Variants in SLC15A1 observed in about 807,000 individuals in gnomAD.
SLC15A1 encodes the protein solute carrier family 15 member 1.
Under a neutral mutation model 92.9 loss-of-function variants are expected in SLC15A1, and 83 were observed. That is an observed-to-expected ratio of 0.89 (90% CI 0.75 to 1.07). The LOEUF (loss-of-function observed/expected upper bound fraction) is 1.07. SLC15A1 is among the 50% of genes least tolerant of loss of function. SLC15A1 has a pLI of 0.00. For missense variants in SLC15A1, 857 were observed against 880.1 expected, an observed-to-expected ratio of 0.97 and a Z score of 0.33; for synonymous variants, 322 against 318.2, an observed-to-expected ratio of 1.01 and a Z score of -0.13.
Position 98,702,817 on chromosome 13 carries a change from G to A in SLC15A1, c.1417-288C>T, listed in dbSNP as rs750142176. On this transcript the variant is annotated intron_variant, in intron 17 of 22. Coordinates refer to ENST00000376503, the MANE Select transcript of SLC15A1 (RefSeq NM_005073.4). ...TTAGAAATTAGCCAGGTGTGGTGAT[G>A]CACACTTGTAGTTGTAGCTGCTCAG... is the stretch of plus-strand genomic sequence containing the variant. Among the ~76,000 whole-genome samples the A allele has an allele frequency of 4.5e-4, 68 of 151,820 alleles. 1 individual carries two copies. The highest frequency in any genetic ancestry group is 7.3e-5 in the African/African-American group (3 of 41,336).
intron 1 of SLC15A1, 67 bp from the exon 2 acceptor site, chr13:98,726,926 T>A (rs751978255): frequency 2.4e-5 from 37 of 1,531,230 alleles, no homozygotes; most frequent in Non-Finnish European, 2.8e-5. Flanking sequence ...GTGTCTAAAC[T>A]CAGAGCCTCT....
intron 14 of SLC15A1, among the ~76,000 whole-genome samples, chr13:98,708,990 C>A (rs144618334): frequency 0.012 from 1,494 of 127,194 alleles, 34 homozygotes; most frequent in African/African-American, 0.045. Context: ...TTTTTTGAGA[C>A]AGAGTCTCTT....
intron 1 of SLC15A1, among the ~76,000 whole-genome samples, chr13:98,730,949 G>A (rs1228116554): frequency 1.3e-5 from 2 of 152,194 alleles, no homozygotes; most frequent in African/African-American, 4.8e-5. Context: ...TCAGAGGGAG[G>A]GAAGAAACGT....
chr13:98,685,116 T>C (rs1007670498), intron 22 of SLC15A1, among the ~76,000 whole-genome samples: 1 of 152,194 alleles, frequency 6.6e-6, no homozygotes, highest in Non-Finnish European at 1.5e-5. Flanking sequence ...GATGCTAATA[T>C]AGACAACATG....
At chr13:98,709,998 G>A (rs1018360139) in intron 11 of SLC15A1, 87 bp from the exon 12 acceptor site, 2 of 1,242,274 alleles carry the variant, frequency 1.6e-6, no homozygotes, top group African/African-American at 1.5e-5. Context: ...TCCAAATCAG[G>A]AATGAGGTCT....
chr13:98,732,623 C>T (rs1339520339), intron 1 of SLC15A1, among the ~76,000 whole-genome samples: 1 of 152,114 alleles, frequency 6.6e-6, no homozygotes, highest in Admixed American at 6.6e-5. Flanking sequence ...AGTCTTATTA[C>T]CTAAAAATTA....
chr13:98,726,972 A>C (rs1364765305), intron 1 of SLC15A1, 113 bp from the exon 2 acceptor site: 3 of 923,116 alleles, frequency 3.2e-6, no homozygotes, highest in Non-Finnish European at 5.3e-6. Context: ...CATTCACCAA[A>C]CAGCTCCAGC....
chr13:98,707,469 G>C (rs1000066284), intron 15 of SLC15A1, among the ~76,000 whole-genome samples: 1 of 152,212 alleles, frequency 6.6e-6, no homozygotes, highest in Admixed American at 6.5e-5. Context: ...TCAGAAAGTA[G>C]AATGGGGGTT....
intron 17 of SLC15A1, among the ~76,000 whole-genome samples, chr13:98,703,034 A>G (rs2088082050): frequency 6.6e-6 from 1 of 150,786 alleles, no homozygotes; most frequent in African/African-American, 2.4e-5. Context: ...ATGGTGGTTC[A>G]TGCCTGAAAT....
chr13:98,701,010 T>A (rs1326671112), intron 18 of SLC15A1, among the ~76,000 whole-genome samples: 1 of 152,246 alleles, frequency 6.6e-6, no homozygotes, highest in African/African-American at 2.4e-5. Flanking sequence ...TGAGCTATTC[T>A]AGTTCCTTTG....
intron 1 of SLC15A1, among the ~76,000 whole-genome samples, chr13:98,741,239 G>A (rs1490483544): frequency 9.2e-5 from 14 of 152,184 alleles, no homozygotes; most frequent in Admixed American, 7.9e-4. Context: ...CCATACCAGG[G>A]GTCCTCCTGC....
intron 1 of SLC15A1, among the ~76,000 whole-genome samples, chr13:98,744,096 C>G (rs1047825459): frequency 6.6e-6 from 1 of 151,876 alleles, no homozygotes; most frequent in Non-Finnish European, 1.5e-5. Flanking sequence ...CAAAAATTAG[C>G]CAGGCATAGT....
In SLC15A1 at chr13:98,686,230, A is replaced by T. The variant is rs1412125149; in HGVS notation, c.1895T>A (p.Ile632Asn). The part of the protein sequence containing the change: ...WLLTVAVGNI[I>N]VLIVAGAGQF... ...GCCTGCCCCTGCCACGATGAGCACA[A>T]TGATGTTGCCAACAGCCACGGTCAG... Residue 632 changes from isoleucine to asparagine, a missense_variant, in exon 22 of 23, where the codon ATT (isoleucine) becomes AAT (asparagine). Transcript: ENST00000376503. The T allele has an allele frequency of 3.1e-6, 5 of 1,613,900 alleles. No individual in the cohort carries two copies. Among genetic ancestry groups the T allele is most frequent in the Non-Finnish European group, 4.2e-6 (5 of 1,179,964 alleles).
rs1458469589 is a variant in SLC15A1 at position 98,713,863 on chromosome 13, A to G, written c.724-1279T>C. Among the ~76,000 whole-genome samples, 14 of 152,264 alleles carry G rather than the reference A, an allele frequency of 9.2e-5. No homozygotes were observed. The East Asian group carries it at 2.7e-3, about 29-fold the overall frequency. ...GGAGTTCAAGACCATCCTAGCCAAC[A>G]TAGCAAAACCCTGTCTCTACTAAAA... On this transcript the variant is annotated intron_variant, in intron 9 of 22. Transcript: ENST00000376503.
intron 1 of SLC15A1, among the ~76,000 whole-genome samples, chr13:98,745,508 C>A (rs1439910790): frequency 6.6e-6 from 1 of 152,158 alleles, no homozygotes; most frequent in Non-Finnish European, 1.5e-5. Flanking sequence ...TGGGACAAGG[C>A]GGTCCCTCAT....
intron 9 of SLC15A1, 142 bp from the exon 10 acceptor site, chr13:98,712,726 T>C: frequency 1.7e-6 from 1 of 585,106 alleles, no homozygotes; most frequent in Non-Finnish European, 3.0e-6. Context: ...AGTATATGAG[T>C]ACTTATTTCT....
At chr13:98,718,668 A>G (rs2088230577) in intron 8 of SLC15A1, among the ~76,000 whole-genome samples, 1 of 152,080 alleles carries the variant, frequency 6.6e-6, no homozygotes, top group African/African-American at 2.4e-5. Context: ...AATAAAAAAT[A>G]TGTGGTGGCC....
chr13:98,699,709 A>C (rs922220100), intron 18 of SLC15A1, among the ~76,000 whole-genome samples: 3 of 152,212 alleles, frequency 2.0e-5, no homozygotes, highest in African/African-American at 7.2e-5. Context: ...CAGAGGGGCT[A>C]CAGCATCTTG....
intron 18 of SLC15A1, among the ~76,000 whole-genome samples, chr13:98,699,683 C>T (rs1319156469): frequency 6.6e-6 from 1 of 152,132 alleles, no homozygotes; most frequent in Non-Finnish European, 1.5e-5. Context: ...GTATAAGAAA[C>T]TGCCAAACTG....
Sources: gnomAD v4.1 joint callset for allele counts (sites outside exome capture counted in the v4.1 genomes callset) on GRCh38, gnomAD v4.1.1 for gene constraint, MANE v1.5 for transcripts, NCBI Gene and HGNC (gene_info 2026-07-23, HGNC 2026-07-21) for gene names.